KSR1: variants seen among roughly 807,000 people sequenced by gnomAD.
The protein encoded by KSR1 is kinase suppressor of ras 1, also known as kinase suppressor of ras.
A neutral mutation model predicts 92.9 loss-of-function variants in KSR1; 35 were observed. The observed-to-expected ratio is 0.38, with a 90% CI of 0.29 to 0.50. The LOEUF is 0.50. Ranked by LOEUF, KSR1 falls within the 20% of genes least tolerant of loss-of-function variation. The pLI, the probability that KSR1 is intolerant of heterozygous loss-of-function variation, is 0.94. For synonymous variants in KSR1, 467 were observed against 472.6 expected (o/e 0.99, Z 0.15); for missense variants, 972 against 1,158.5 (o/e 0.84, Z 2.34).
At chr17:27,550,142 C>T (rs1167738973) in intron 1 of KSR1, among the ~76,000 whole-genome samples, 5 of 152,208 alleles carry the variant, frequency 3.3e-5, no homozygotes, top group East Asian at 1.9e-4. Flanking sequence ...TGGGCTCAAG[C>T]GATCCTCCCA....
At chr17:27,484,559 TAG>T (rs2068607504) in intron 1 of KSR1, among the ~76,000 whole-genome samples, 1 of 152,170 alleles carries the variant, frequency 6.6e-6, no homozygotes, top group Non-Finnish European at 1.5e-5. Context: ...ATTGAGTACC[TAG>T]TGTATGCCAG....
chr17:27,534,645 G>A (rs569394612), intron 1 of KSR1, among the ~76,000 whole-genome samples: 21 of 152,324 alleles, frequency 1.4e-4, no homozygotes, highest in African/African-American at 4.8e-4. Context: ...ATACAGCAGC[G>A]GCATCCTGTT....
At chr17:27,619,395 CTTTT>C (rs147046166) in intron 19 of KSR1, among the ~76,000 whole-genome samples, 1 of 131,868 alleles carries the variant, frequency 7.6e-6, no homozygotes, top group African/African-American at 2.8e-5. Flanking sequence ...TGGGCTGTAT[CTTTT>C]TTTTTTTTTT....
chr17:27,477,494 TGTA>T (rs2068380533), intron 1 of KSR1, among the ~76,000 whole-genome samples: 1 of 152,144 alleles, frequency 6.6e-6, no homozygotes, highest in Admixed American at 6.5e-5. Flanking sequence ...AGATTAGAAT[TGTA>T]GTCTGGCTGA....
At chr17:27,517,374 C>T (rs1375198172) in intron 1 of KSR1, among the ~76,000 whole-genome samples, 1 of 151,992 alleles carries the variant, frequency 6.6e-6, no homozygotes, top group Non-Finnish European at 1.5e-5. Context: ...ACTCTATGGC[C>T]CAGGCTGGAG....
intron 2 of KSR1, among the ~76,000 whole-genome samples, chr17:27,571,181 T>C (rs2072291821): frequency 6.6e-6 from 1 of 152,038 alleles, no homozygotes; most frequent in Admixed American, 6.6e-5. Context: ...GGTGGGGTAG[T>C]GAGGAGGCTG....
At chr17:27,538,960 C>A (rs1297403748) in intron 1 of KSR1, among the ~76,000 whole-genome samples, 1 of 152,214 alleles carries the variant, frequency 6.6e-6, no homozygotes, top group Non-Finnish European at 1.5e-5. Context: ...GGCACAGTCT[C>A]CTTCTCATAG....
intron 18 of KSR1, 25 bp from the exon 19 acceptor site, chr17:27,617,270 C>T (rs769602976): frequency 2.5e-6 from 4 of 1,595,538 alleles, no homozygotes; most frequent in African/African-American, 1.3e-5. Flanking sequence ...AGCTCACACA[C>T]CACTAATGGC....
chr17:27,620,364 T>C (rs1311852049), intron 19 of KSR1, among the ~76,000 whole-genome samples: 1 of 152,188 alleles, frequency 6.6e-6, no homozygotes, highest in Non-Finnish European at 1.5e-5. Context: ...AGCAAGGAGA[T>C]TGCAGTGTCC....
At chr17:27,509,958 C>T (rs2069537906) in intron 1 of KSR1, among the ~76,000 whole-genome samples, 1 of 152,258 alleles carries the variant, frequency 6.6e-6, no homozygotes, top group Admixed American at 6.5e-5. Flanking sequence ...GGTGGGCAGA[C>T]TTGGCTCAGA....
chr17:27,607,199 A>G (rs1567883861), intron 14 of KSR1, among the ~76,000 whole-genome samples: 1 of 152,210 alleles, frequency 6.6e-6, no homozygotes, highest in Non-Finnish European at 1.5e-5. Flanking sequence ...GAAAAGTGGG[A>G]CACAGATAAG....
intron 1 of KSR1, among the ~76,000 whole-genome samples, chr17:27,461,072 TTTTTTG>T (rs1282307169): frequency 2.0e-5 from 3 of 152,090 alleles, no homozygotes; most frequent in East Asian, 1.9e-4. Context: ...TTTTGTTTTG[TTTTTTG>T]TTTTTGTTTT....
At chr17:27,518,705 G>A (rs946622900) in intron 1 of KSR1, among the ~76,000 whole-genome samples, 17 of 152,228 alleles carry the variant, frequency 1.1e-4, no homozygotes, top group Non-Finnish European at 2.1e-4. Context: ...GGCAGGAGTC[G>A]GGAAAGCTTA....
intron 1 of KSR1, among the ~76,000 whole-genome samples, chr17:27,517,917 G>A (rs2069866765): frequency 6.6e-6 from 1 of 152,176 alleles, no homozygotes; most frequent in Non-Finnish European, 1.5e-5. Flanking sequence ...CAAGAATGGA[G>A]GAAGAATGAT....
At chr17:27,539,440 G>T (rs1338670014) in intron 1 of KSR1, among the ~76,000 whole-genome samples, 1 of 152,218 alleles carries the variant, frequency 6.6e-6, no homozygotes, top group Non-Finnish European at 1.5e-5. Context: ...GCTTAGACCT[G>T]CTGTCTGTTG....
chr17:27,575,822 G>T (rs2151150237), intron 2 of KSR1, among the ~76,000 whole-genome samples: 1 of 152,258 alleles, frequency 6.6e-6, no homozygotes, highest in East Asian at 1.9e-4. Flanking sequence ...AACAAATTTA[G>T]CAGCTTAACA....
intron 3 of KSR1, 140 bp from the exon 4 acceptor site, chr17:27,582,506 G>A (rs2072802699): frequency 1.4e-6 from 1 of 727,170 alleles, no homozygotes; most frequent in Non-Finnish European, 2.3e-6. Flanking sequence ...TATAAACCAG[G>A]TAAAGGTTGG....
At chr17:27,585,014 G>GCAA (rs2072914435) in intron 4 of KSR1, among the ~76,000 whole-genome samples, 1 of 152,214 alleles carries the variant, frequency 6.6e-6, no homozygotes, top group Admixed American at 6.5e-5. Flanking sequence ...TCGGCTCACT[G>GCAA]CAACCTCCAC....
At chr17:27,564,441 G>A (rs1447448129) in intron 2 of KSR1, among the ~76,000 whole-genome samples, 1 of 152,220 alleles carries the variant, frequency 6.6e-6, no homozygotes, top group East Asian at 1.9e-4. Context: ...TCAGATACCT[G>A]TTGGCTTAAA....
Sources: gnomAD v4.1 joint callset for allele counts (sites outside exome capture counted in the v4.1 genomes callset) on GRCh38, gnomAD v4.1.1 for gene constraint, MANE v1.5 for transcripts, NCBI Gene and HGNC (gene_info 2026-07-23, HGNC 2026-07-21) for gene names.